Variants in MVB12B observed in about 807,000 individuals in gnomAD.
MVB12B encodes the protein ESCRT-I complex subunit MVB12B.
In MVB12B, 16 loss-of-function variants were observed where a neutral mutation model predicts 41.6. That is an observed-to-expected ratio of 0.38 (90% CI 0.26 to 0.58). MVB12B has a LOEUF of 0.58. Among genes scored for constraint, MVB12B ranks in the 20% least tolerant of loss-of-function variants. MVB12B has a pLI of 0.62. For missense variants in MVB12B, 274 were observed against 380.2 expected (o/e 0.72, Z 2.32); for synonymous variants, 133 against 139.7 (o/e 0.95, Z 0.34).
rs537940108 is a variant in MVB12B, at chr9:126,486,095, A to C, written c.873+2063A>C. ...AGTACAACAAATTTCTAAACCTGTC[A>C]TAGCAAAAACAAGACAAAAAAGTCC... On this transcript the variant is annotated intron_variant, in intron 9 of 9. Coordinates refer to ENST00000361171, the MANE Select transcript of MVB12B (RefSeq NM_033446.3). This position sits in a 1 kb window ranked among gnomAD's most constrained non-coding sequence, Gnocchi z 4.7. Among the ~76,000 whole-genome samples, 2 of 152,370 alleles carry C rather than the reference A, an allele frequency of 1.3e-5. No individual in the cohort carries two copies. The highest frequency in any genetic ancestry group is 4.1e-4 in the South Asian group (2 of 4,830).
At position 126,459,502 on chromosome 9, in the gene MVB12B, C is replaced by T. The variant is rs932039616; in HGVS notation, c.758-21867C>T. Among the ~76,000 whole-genome samples, 9 of 152,206 alleles carry T rather than the reference C, an allele frequency of 5.9e-5. No individual in the cohort carries two copies. The highest frequency in any genetic ancestry group is 1.0e-4 in the Non-Finnish European group (7 of 68,050). ...TCACAGAACTGTGCCTGTGAGACCA[C>T]GAGACCCTCACCCCAGCAGCACGCG... On this transcript the variant is annotated intron_variant, in intron 7 of 9. Transcript: ENST00000361171. The surrounding 1 kb of genome is among the most constrained non-coding windows in gnomAD (Gnocchi z 4.3).
chr9:126,485,851 C>T (rs1345996788), intron 9 of MVB12B, among the ~76,000 whole-genome samples: 11 of 152,264 alleles, frequency 7.2e-5, no homozygotes, highest in Admixed American at 2.6e-4. Context: ...TTCCCTAAGA[C>T]AGCACGGGGT....
intron 2 of MVB12B, among the ~76,000 whole-genome samples, chr9:126,371,973 A>G (rs114794723): frequency 0.025 from 3,815 of 152,226 alleles, 144 homozygotes; most frequent in African/African-American, 0.087. Context: ...TATCACTGCC[A>G]CCTAATTTTG....
chr9:126,406,940 A>G (rs953198454), intron 6 of MVB12B, among the ~76,000 whole-genome samples: 6 of 152,142 alleles, frequency 3.9e-5, no homozygotes, highest in Non-Finnish European at 7.4e-5. Flanking sequence ...ATAGGCTTTG[A>G]TATTTTTCTG....
At chr9:126,445,475 T>C (rs1383178280) in intron 7 of MVB12B, among the ~76,000 whole-genome samples, 1 of 152,128 alleles carries the variant, frequency 6.6e-6, no homozygotes, top group East Asian at 1.9e-4. Flanking sequence ...GGCTAATTTT[T>C]GTATTTTTAG....
Position 126,494,082 on chromosome 9 carries a change from A to G in MVB12B, c.874-9095A>G, listed in dbSNP as rs139357053. Among the ~76,000 whole-genome samples, 50 of 152,086 alleles carry G rather than the reference A, an allele frequency of 3.3e-4. 1 individual carries two copies. The highest frequency in any genetic ancestry group is 3.9e-4 in the Admixed American group (6 of 15,284). ...CCATAGTGCTGCGTTTTGACTTGCT[A>G]TTTATAGACATTGTTTTTTTTTTCC... On this transcript the variant is annotated intron_variant, in intron 9 of 9. Transcript: ENST00000361171.
At chr9:126,493,128 GTTTA>G (rs1833768076) in intron 9 of MVB12B, among the ~76,000 whole-genome samples, 1 of 152,060 alleles carries the variant, frequency 6.6e-6, no homozygotes, top group Admixed American at 6.5e-5. Context: ...AATTTTCTCT[GTTTA>G]TTTGGGCTTT....
At chr9:126,458,637 G>T (rs554597251) in intron 7 of MVB12B, among the ~76,000 whole-genome samples, 3 of 152,234 alleles carry the variant, frequency 2.0e-5, no homozygotes, top group South Asian at 4.1e-4. Flanking sequence ...AGTTTGTCCC[G>T]CCTGGTTGCG....
chr9:126,441,036 C>T (rs940415910), intron 7 of MVB12B, among the ~76,000 whole-genome samples: 3 of 152,226 alleles, frequency 2.0e-5, no homozygotes, highest in African/African-American at 7.2e-5. Flanking sequence ...AACTAGGCCT[C>T]GCTGGCTGTC....
At chr9:126,327,728 T>C (rs1190816996) in intron 1 of MVB12B, among the ~76,000 whole-genome samples, 1 of 152,192 alleles carries the variant, frequency 6.6e-6, no homozygotes, top group Non-Finnish European at 1.5e-5. Flanking sequence ...GTCCTCTTTG[T>C]TACCAACACA....
chr9:126,407,629 C>T (rs974374669), intron 6 of MVB12B, among the ~76,000 whole-genome samples: 5 of 152,098 alleles, frequency 3.3e-5, no homozygotes, highest in Non-Finnish European at 4.4e-5. Context: ...CCACCCCCAC[C>T]GACGCCCTCA....
At chr9:126,355,693 A>G (rs1207588046) in intron 2 of MVB12B, among the ~76,000 whole-genome samples, 2 of 152,206 alleles carry the variant, frequency 1.3e-5, no homozygotes, top group Non-Finnish European at 2.9e-5. Flanking sequence ...TAATTAATCA[A>G]TTTAACCTAT....
At chr9:126,334,429 G>A (rs565912151) in intron 1 of MVB12B, among the ~76,000 whole-genome samples, 12 of 152,380 alleles carry the variant, frequency 7.9e-5, no homozygotes, top group East Asian at 1.9e-4. Flanking sequence ...GTGAAAGTCA[G>A]AGAGGGGTGT....
intron 6 of MVB12B, among the ~76,000 whole-genome samples, chr9:126,418,002 ACT>A (rs1227969630): frequency 6.6e-6 from 1 of 152,052 alleles, no homozygotes; most frequent in Non-Finnish European, 1.5e-5. Flanking sequence ...CAAGACTTCC[ACT>A]CTTTCTGGAG....
At chr9:126,337,795 G>A (rs1008833015) in intron 1 of MVB12B, among the ~76,000 whole-genome samples, 1 of 152,202 alleles carries the variant, frequency 6.6e-6, no homozygotes, top group Non-Finnish European at 1.5e-5. Flanking sequence ...ACAACCTGGG[G>A]TTGTTGCCAG....
chr9:126,402,659 GGAA>G (rs749111093), intron 6 of MVB12B, among the ~76,000 whole-genome samples: 7 of 152,042 alleles, frequency 4.6e-5, no homozygotes, highest in African/African-American at 9.7e-5. Flanking sequence ...AAAAAAAAAT[GGAA>G]GAAGAAGACG....
At chr9:126,495,990 C>T (rs957777926) in intron 9 of MVB12B, among the ~76,000 whole-genome samples, 1 of 151,864 alleles carries the variant, frequency 6.6e-6, no homozygotes, top group Non-Finnish European at 1.5e-5. Context: ...GTTACTGTAC[C>T]ATGGGATGGG....
intron 7 of MVB12B, among the ~76,000 whole-genome samples, chr9:126,435,945 A>G (rs945238339): frequency 1.3e-5 from 2 of 152,256 alleles, no homozygotes; most frequent in South Asian, 2.1e-4. Flanking sequence ...AAAAGAGATC[A>G]TACCTTTTCT....
Position 126,376,752 on chromosome 9 carries a change from T to G in MVB12B, c.205-4312T>G. On this transcript the variant is annotated intron_variant, in intron 2 of 9. Transcript: ENST00000361171. This position sits in a 1 kb window ranked among gnomAD's most constrained non-coding sequence, Gnocchi z 4.1. ...CCCCACCTCCTCCTGACCTCCAGCC[T>G]CCTTCCCCACCTGCCGGGCTTGTAG... 1 of 1,227,420 alleles carries G rather than the reference T, an allele frequency of 8.1e-7. No individual in the cohort carries two copies. The highest frequency in any genetic ancestry group is 1.0e-6 in the Non-Finnish European group (1 of 954,334). The allele number at this position is 1,227,420 out of a possible 1,614,324, so 76.0% of individuals were successfully genotyped here. A position where few individuals can be genotyped will look rare whatever the true frequency, so the allele number is the denominator to read the frequency against.
Sources: gnomAD v4.1 joint callset for allele counts (sites outside exome capture counted in the v4.1 genomes callset) on GRCh38, gnomAD v4.1.1 for gene constraint, Gnocchi (gnomAD v3.1) non-coding constraint, MANE v1.5 for transcripts, NCBI Gene and HGNC (gene_info 2026-07-23, HGNC 2026-07-21) for gene names.